The following AFAP1 variants were observed in gnomAD, a reference collection of about 807,000 sequenced individuals.
AFAP1 encodes the protein actin filament-associated protein 1.
Under a neutral mutation model 93.9 loss-of-function variants are expected in AFAP1, and 75 were observed. The ratio of observed to expected loss-of-function variants is 0.80; its 90% CI spans 0.66 to 0.97. The LOEUF is 0.97. Ranked by LOEUF, AFAP1 falls within the 50% of genes least tolerant of loss-of-function variation. The probability of loss-of-function intolerance (pLI) is 0.00; values close to 1 mark genes in which losing one functional copy is unlikely to be tolerated. For synonymous variants in AFAP1, 517 were observed against 430.7 expected (o/e 1.20, Z -2.48); for missense variants, 1,201 against 1,050.8 (o/e 1.14, Z -1.98).
chr4:7,800,418 T>C, intron 10 of AFAP1, 24 bp downstream of exon 10: 1 of 1,611,738 alleles, frequency 6.2e-7, no homozygotes, highest in Non-Finnish European at 8.5e-7. Context: ...CTCTGTGGAG[T>C]ACAGCCCCTG....
Position 7,855,482 on chromosome 4 carries a change from C to T in AFAP1, c.318G>A (p.Pro106=), listed in dbSNP as rs764281833. The change falls in exon 4 of 18, where the codon CCG becomes CCA. Residue 106 remains proline (P), a synonymous_variant. Transcript: ENST00000420658. ...EAVPLSPGKA[P]EYITSNYDSD... The stretch of plus-strand genomic sequence containing the variant: ...GCCACTCACTTGATGTGATGTATTC[C>T]GGAGCTTTTCCGGGGCTCAGCGGCA... 49 of 1,610,142 alleles carry T rather than the reference C, an allele frequency of 3.0e-5. No individual in the cohort carries two copies. Among genetic ancestry groups the T allele is most frequent in the African/African-American group, 2.0e-4 (15 of 74,854 alleles).
chr4:7,927,758 G>T (rs1223596203), intron 1 of AFAP1, among the ~76,000 whole-genome samples: 1 of 152,122 alleles, frequency 6.6e-6, no homozygotes, highest in Non-Finnish European at 1.5e-5. Flanking sequence ...TAACTATGCA[G>T]AATGGTTACT....
chr4:7,800,890 T>G lies in AFAP1; in HGVS notation c.1055-237A>C, dbSNP rs58578559. Among the ~76,000 whole-genome samples the G allele has an allele frequency of 7.7e-3, 1,176 of 152,328 alleles. 22 individuals are homozygous for G. The highest frequency in any genetic ancestry group is 0.026 in the African/African-American group (1,100 of 41,572). ...AGGCCGTATCTGGAAGCCCCTCATT[T>G]AACATGTGCAACGAACCAGTTACCA... On this transcript the variant is annotated intron_variant, in intron 9 of 17. Coordinates refer to ENST00000420658, the MANE Select transcript of AFAP1 (RefSeq NM_001134647.2).
At position 7,939,825 on chromosome 4, in the gene AFAP1, G is replaced by T. The variant is rs753917303; in HGVS notation, c.-172C>A. ...CGCTCGAGATCCGGCTCGGCTCGCG[G>T]AGCTGCAGCCGGCGTGGGGCTGCGG... On this transcript the variant is annotated 5_prime_UTR_variant, in exon 1 of 18. Transcript: ENST00000420658. This position sits in a 1 kb window ranked among gnomAD's most constrained non-coding sequence, Gnocchi z 5.6. The T allele has an allele frequency of 6.8e-6, 2 of 293,280 alleles. No individual in the cohort carries two copies. The highest frequency in any genetic ancestry group is 2.3e-5 in the African/African-American group (1 of 42,820). The allele number at this position is 293,280 out of a possible 1,614,324, so 18.2% of individuals were successfully genotyped here. A position where few individuals can be genotyped will look rare whatever the true frequency, so the allele number is the denominator to read the frequency against.
At chr4:7,921,590 T>C (rs1247577808) in intron 1 of AFAP1, among the ~76,000 whole-genome samples, 1 of 152,074 alleles carries the variant, frequency 6.6e-6, no homozygotes, top group Non-Finnish European at 1.5e-5. Flanking sequence ...AGTGAGATAA[T>C]GGTACAATCC....
Position 7,786,358 on chromosome 4 carries a change from A to C in AFAP1, c.1413-47T>G, listed in dbSNP as rs756042698. ...AAAATCCATAACCTGACCACCTTTT[A>C]CTCCAATCAGTCAAGTCTTTAATGA... On this transcript the variant is annotated intron_variant, in intron 11 of 17. Transcript: ENST00000420658. 4.0e-6 allele frequency: 6 copies of C among 1,487,146 alleles called. No individual in the cohort carries two copies. In the Admixed American group the frequency reaches 1.0e-4, roughly 25 times the overall value. The allele number at this position is 1,487,146 out of a possible 1,614,324, so 92.1% of individuals were successfully genotyped here. A position where few individuals can be genotyped will look rare whatever the true frequency, so the allele number is the denominator to read the frequency against.
intron 1 of AFAP1, among the ~76,000 whole-genome samples, chr4:7,889,098 A>T (rs944545761): frequency 2.0e-4 from 30 of 152,148 alleles, no homozygotes; most frequent in African/African-American, 5.6e-4. Flanking sequence ...GCCATTAACA[A>T]AATTTTTAGC....
Position 7,778,844 on chromosome 4 carries a change from A to G in AFAP1, c.1815T>C (p.Asn605=). 6.2e-7 allele frequency: 1 copy of G among 1,614,052 alleles called. No homozygotes were observed. The highest frequency in any genetic ancestry group is 8.5e-7 in the Non-Finnish European group (1 of 1,179,990). The stretch of plus-strand genomic sequence containing the variant: ...GAGTCTTCCCTTTTCCTGTGACCCC[A>G]TTAGACGCCACGGGGGGCTTTTTAC... ...LKGKKPPVAS[N]GVTGKGKTLS... The change falls in exon 14 of 18, where the codon AAT becomes AAC. Residue 605 remains asparagine (N), a synonymous_variant. Coordinates refer to ENST00000420658, the MANE Select transcript of AFAP1 (RefSeq NM_001134647.2).
At chr4:7,882,720 G>A (rs1056420155) in intron 1 of AFAP1, among the ~76,000 whole-genome samples, 45 of 152,230 alleles carry the variant, frequency 3.0e-4, no homozygotes, top group Admixed American at 2.0e-3. Context: ...TTAGCAGGGC[G>A]TGGTGGCACG....
At chr4:7,838,758 C>A (rs1241289170) in intron 5 of AFAP1, 55 bp from the exon 6 acceptor site, 5 of 1,582,632 alleles carry the variant, frequency 3.2e-6, no homozygotes, top group African/African-American at 1.3e-5. Context: ...AACAGAAACA[C>A]TGAGGAAGCT....
At chr4:7,772,613 T>A in intron 16 of AFAP1, 1 of 567,220 alleles carries the variant, frequency 1.8e-6, no homozygotes, top group Non-Finnish European at 3.1e-6. Context: ...TTTTAACATT[T>A]CAGCGAGAGG....
chr4:7,793,845 A>G lies in AFAP1; in HGVS notation c.1267-19T>C. On this transcript the variant is annotated intron_variant, in intron 10 of 17. Transcript: ENST00000420658. ...AAGATGCCTGTTGAAGTGGGAAAAA[A>G]GGTAGGCTGTATTTAACTAAAGATT... is the stretch of plus-strand genomic sequence containing the variant. 2 of 1,513,752 alleles carry G rather than the reference A, an allele frequency of 1.3e-6. No homozygotes were observed. Among genetic ancestry groups the G allele is most frequent in the South Asian group, 1.3e-5 (1 of 76,490 alleles). 93.8% of individuals were successfully genotyped at this position (1,513,752 alleles called of 1,614,324 possible).
rs114614260 is a variant in AFAP1 at position 7,887,613 on chromosome 4, A to C, written c.-2-15533T>G. On this transcript the variant is annotated intron_variant, in intron 1 of 17. Coordinates refer to ENST00000420658, the MANE Select transcript of AFAP1 (RefSeq NM_001134647.2). Reference sequence around the variant, plus strand: ...TTGGAATGAGCATTTATGAGGCTTTAAATCATTTTTATATTACTATTTTAA... The same window carrying C: ...TTGGAATGAGCATTTATGAGGCTTTCAATCATTTTTATATTACTATTTTAA... 2.6e-3 allele frequency among the ~76,000 whole-genome samples: 389 copies of C among 152,320 alleles called. 3 individuals carry two copies. The highest frequency in any genetic ancestry group is 8.9e-3 in the African/African-American group (370 of 41,568).
chr4:7,936,399 C>T (rs1721382293), intron 1 of AFAP1, among the ~76,000 whole-genome samples: 1 of 151,064 alleles, frequency 6.6e-6, no homozygotes, highest in African/African-American at 2.5e-5. Flanking sequence ...GATTATAGCT[C>T]ACTGCAGTCT....
At chr4:7,774,231 G>A (rs1193974823) in intron 15 of AFAP1, 1 of 153,474 alleles carries the variant, frequency 6.5e-6, no homozygotes, top group African/African-American at 2.4e-5. Context: ...CCATTAGCCT[G>A]GCCTCTTCCC....
At chr4:7,778,738 C>T in intron 14 of AFAP1, 24 bp downstream of exon 14, 1 of 1,607,286 alleles carries the variant, frequency 6.2e-7, no homozygotes, top group South Asian at 1.1e-5. Flanking sequence ...AGCCGGAATG[C>T]AAGACATCCG....
chr4:7,900,741 C>G (rs543304549), intron 1 of AFAP1, among the ~76,000 whole-genome samples: 9 of 152,332 alleles, frequency 5.9e-5, no homozygotes, highest in African/African-American at 2.2e-4. Context: ...AACGGATAAA[C>G]ACTGCAACAT....
intron 1 of AFAP1, among the ~76,000 whole-genome samples, chr4:7,932,963 T>C (rs899845770): frequency 1.6e-5 from 2 of 126,648 alleles, no homozygotes; most frequent in African/African-American, 3.1e-5. Context: ...GAAGTTGTGG[T>C]GAGCCGAGAT....
chr4:7,784,935 G>GA (rs1389472165), intron 12 of AFAP1, among the ~76,000 whole-genome samples: 1 of 152,084 alleles, frequency 6.6e-6, no homozygotes, highest in East Asian at 1.9e-4. Context: ...AAAACAGTAA[G>GA]AAAAAAGTCT....
Sources: allele counts gnomAD v4.1 joint callset (sites outside exome capture counted in the v4.1 genomes callset), GRCh38; gene constraint gnomAD v4.1.1; non-coding constraint Gnocchi (gnomAD v3.1); transcripts MANE v1.5; gene names NCBI Gene and HGNC (gene_info 2026-07-23, HGNC 2026-07-21).